DNAH11: variants seen among roughly 807,000 people sequenced by gnomAD.
DNAH11 encodes axonemal beta dynein heavy chain 11.
DNAH11 carries 442 observed loss-of-function variants against 526.0 expected under a neutral mutation model. The observed-to-expected ratio is 0.84, with a 90% CI of 0.78 to 0.91. The LOEUF is 0.91. Ranked by LOEUF, DNAH11 falls within the 40% of genes least tolerant of loss-of-function variation. The pLI is 0.00. For missense variants in DNAH11, 6,989 were observed against 5,448.7 expected (o/e 1.28, Z -8.90); for synonymous variants, 2,461 against 1,935.9 (o/e 1.27, Z -7.12).
chr7:21,578,610 G>A (rs1345187851), intron 8 of DNAH11, among the ~76,000 whole-genome samples: 1 of 152,210 alleles, frequency 6.6e-6, no homozygotes, highest in Non-Finnish European at 1.5e-5. Flanking sequence ...TAGTACCCCA[G>A]TGGGGACTCT....
Position 21,615,233 on chromosome 7 carries a change from A to G in DNAH11, c.3972A>G (p.Lys1324=). 1 of 1,613,578 alleles carries G rather than the reference A, an allele frequency of 6.2e-7. No individual in the cohort carries two copies. The highest frequency in any genetic ancestry group is 8.5e-7 in the Non-Finnish European group (1 of 1,179,642). The stretch of plus-strand genomic sequence containing the variant: ...TGAAACAGTGTCGCAAAGAAATAAA[A>G]TTGCTCAAGGGACTGTGGGATGTCA... ...KQMKQCRKEI[K]LLKGLWDVII... is the part of the protein sequence containing the mutation. Residue 1324 remains lysine, a synonymous_variant, in exon 21 of 82, where the codon AAA becomes AAG. Coordinates refer to ENST00000409508, the MANE Select transcript of DNAH11 (RefSeq NM_001277115.2).
At chr7:21,578,041 C>T (rs112770055) in intron 8 of DNAH11, among the ~76,000 whole-genome samples, 57 of 152,052 alleles carry the variant, frequency 3.7e-4, no homozygotes, top group Non-Finnish European at 7.4e-4. Flanking sequence ...AGGAAACTTA[C>T]AATCATGATG....
chr7:21,725,536 A>G (rs563333256), intron 44 of DNAH11, among the ~76,000 whole-genome samples: 4 of 152,326 alleles, frequency 2.6e-5, no homozygotes, highest in African/African-American at 9.6e-5. Context: ...TGATGTGAAC[A>G]TTGGTAGAAG....
intron 72 of DNAH11, 135 bp from the exon 73 acceptor site, chr7:21,868,729 T>G: frequency 1.8e-6 from 2 of 1,129,024 alleles, no homozygotes; most frequent in East Asian, 2.4e-5. Context: ...AACAGAAGTT[T>G]CTTTGGGATT....
At chr7:21,764,495 ACT>A (rs34919061) in intron 54 of DNAH11, among the ~76,000 whole-genome samples, 132,233 of 152,064 alleles carry the variant, frequency 0.87, 58,005 homozygotes, top group Non-Finnish European at 0.92. Flanking sequence ...CTTAGACCTT[ACT>A]CCCTGATTGA....
intron 40 of DNAH11, 142 bp from the exon 41 acceptor site, chr7:21,710,411 T>C (rs1784415967): frequency 4.9e-6 from 3 of 613,622 alleles, no homozygotes; most frequent in Non-Finnish European, 8.1e-6. Context: ...CTGGAACCCA[T>C]GTGTGGCTGA....
intron 55 of DNAH11, among the ~76,000 whole-genome samples, chr7:21,771,977 C>T (rs984042447): frequency 3.9e-5 from 6 of 152,146 alleles, no homozygotes; most frequent in Non-Finnish European, 1.5e-5. Context: ...CTGTTAATGT[C>T]AGGAAGTGCT....
intron 54 of DNAH11, among the ~76,000 whole-genome samples, chr7:21,753,616 T>G (rs1467344025): frequency 6.6e-6 from 1 of 152,258 alleles, no homozygotes; most frequent in African/African-American, 2.4e-5. Context: ...AATACCATCT[T>G]TAGTGTATGT....
Position 21,720,713 on chromosome 7 carries a change from C to A in DNAH11, c.7135-12C>A, listed in dbSNP as rs1469536091. On this transcript the variant is annotated splice_polypyrimidine_tract_variant and intron_variant, in intron 43 of 81. Transcript: ENST00000409508. Reference sequence around the variant, plus strand: ...AAAATGTTGCCTTATTTGACTATTTCTTTTTCTTTAGACTCTATGTGTTCT... The same window carrying A: ...AAAATGTTGCCTTATTTGACTATTTATTTTTCTTTAGACTCTATGTGTTCT... The A allele has an allele frequency of 5.8e-6, 9 of 1,540,738 alleles. No individual in the cohort carries two copies. Among genetic ancestry groups the A allele is most frequent in the East Asian group, 2.4e-5 (1 of 41,768 alleles).
chr7:21,587,139 T>C (rs1485935742), intron 9 of DNAH11, among the ~76,000 whole-genome samples: 3 of 152,216 alleles, frequency 2.0e-5, no homozygotes, highest in Non-Finnish European at 4.4e-5. Flanking sequence ...AGAGCTATTT[T>C]ATGCTAGCAC....
At chr7:21,782,463 G>T (rs941307228) in intron 57 of DNAH11, among the ~76,000 whole-genome samples, 1 of 152,202 alleles carries the variant, frequency 6.6e-6, no homozygotes, top group Non-Finnish European at 1.5e-5. Flanking sequence ...TTGAGAATGA[G>T]AAATCAGTTG....
chr7:21,738,911 T>C (rs940435), intron 47 of DNAH11, 45 bp downstream of exon 47: 3 of 1,406,626 alleles, frequency 2.1e-6, no homozygotes, highest in South Asian at 3.0e-5. Context: ...ATCTAATAAT[T>C]ATTATGGATA....
chr7:21,588,389 TG>T, intron 10 of DNAH11, 122 bp from the exon 11 acceptor site: 1 of 1,351,318 alleles, frequency 7.4e-7, no homozygotes. Context: ...AGTAATCAAG[TG>T]ATTAAACACA....
intron 9 of DNAH11, among the ~76,000 whole-genome samples, chr7:21,585,671 G>C (rs912972432): frequency 2.0e-5 from 3 of 152,204 alleles, no homozygotes; most frequent in African/African-American, 7.2e-5. Context: ...AAGGACTTCA[G>C]CTTTGAAAAG....
At chr7:21,801,418 T>C (rs1434457758) in intron 62 of DNAH11, 143 bp downstream of exon 62, 9 of 1,140,436 alleles carry the variant, frequency 7.9e-6, no homozygotes, top group Non-Finnish European at 8.6e-6. Context: ...CCTGTGGCTC[T>C]AACTCACCAG....
At chr7:21,618,977 G>A (rs1331429305) in intron 23 of DNAH11, 123 bp from the exon 24 acceptor site, 19 of 1,236,370 alleles carry the variant, frequency 1.5e-5, no homozygotes, top group South Asian at 9.3e-5. Flanking sequence ...ATTTCAAGAC[G>A]AGAGATGTAC....
intron 25 of DNAH11, among the ~76,000 whole-genome samples, chr7:21,622,381 A>G (rs1410018771): frequency 6.6e-6 from 1 of 152,226 alleles, no homozygotes; most frequent in Non-Finnish European, 1.5e-5. Context: ...TATTGTGAAA[A>G]TGGCCATACT....
chr7:21,573,297 A>G (rs948304095), intron 8 of DNAH11, among the ~76,000 whole-genome samples: 1 of 152,094 alleles, frequency 6.6e-6, no homozygotes, highest in African/African-American at 2.4e-5. Context: ...AGCCTATTCT[A>G]TTTTGCAGAT....
At chr7:21,676,029 A>G (rs573461667) in intron 30 of DNAH11, among the ~76,000 whole-genome samples, 12 of 152,156 alleles carry the variant, frequency 7.9e-5, no homozygotes, top group African/African-American at 2.7e-4. Context: ...CTGTGGCCTT[A>G]AAACAGCTGT....
Sources: allele counts gnomAD v4.1 joint callset (sites outside exome capture counted in the v4.1 genomes callset), GRCh38; gene constraint gnomAD v4.1.1; transcripts MANE v1.5; gene names NCBI Gene and HGNC (gene_info 2026-07-23, HGNC 2026-07-21).